Variants in PDS5A observed in about 807,000 individuals in gnomAD.
The protein encoded by PDS5A is sister chromatid cohesion protein PDS5 homolog A.
In PDS5A, 42 loss-of-function variants were observed where a neutral mutation model predicts 167.1. The ratio of observed to expected loss-of-function variants is 0.25; its 90% CI spans 0.20 to 0.33. PDS5A has a LOEUF of 0.33. PDS5A is among the 10% of genes least tolerant of loss of function. The pLI, the probability that PDS5A is intolerant of heterozygous loss-of-function variation, is 1.00. For missense variants in PDS5A, 1,033 were observed against 1,605.9 expected, an observed-to-expected ratio of 0.64 and a Z score of 6.10; for synonymous variants, 553 against 554.6, an observed-to-expected ratio of 1.00 and a Z score of 0.04.
intron 32 of PDS5A, among the ~76,000 whole-genome samples, chr4:39,836,443 TG>T (rs1460054197): frequency 1.3e-5 from 2 of 152,090 alleles, no homozygotes; most frequent in African/African-American, 4.8e-5. Context: ...CTAATTTTTT[TG>T]TTTTTTTTGA....
At position 39,873,112 on chromosome 4, in the gene PDS5A, T is replaced by C. The variant is rs1263358546; in HGVS notation, c.2310A>G (p.Pro770=). The C allele has an allele frequency of 2.0e-6, 3 of 1,523,140 alleles. No individual in the cohort carries two copies. Among genetic ancestry groups the C allele is most frequent in the Admixed American group, 1.7e-5 (1 of 57,620 alleles). 94.4% of individuals were successfully genotyped at this position (1,523,140 alleles called of 1,614,324 possible). ...AAACTAATGGAGTTATAAGTTGTTC[T>C]GGCACATCAGCATTCAGACTCCTAC... ...PLSRSLNADV[P]EQLITPLVSL... Residue 770 remains proline, a synonymous_variant, in exon 21 of 33, where the codon CCA becomes CCG. Coordinates refer to ENST00000303538, the MANE Select transcript of PDS5A (RefSeq NM_001100399.2).
chr4:39,947,707 T>A (rs1017035605), intron 2 of PDS5A, among the ~76,000 whole-genome samples: 2 of 152,220 alleles, frequency 1.3e-5, no homozygotes, highest in Admixed American at 1.3e-4. Context: ...CTGGGTCACA[T>A]GTGACCCACG....
intron 17 of PDS5A, among the ~76,000 whole-genome samples, chr4:39,886,153 T>A (rs779998969): frequency 1.3e-5 from 2 of 152,190 alleles, no homozygotes; most frequent in Non-Finnish European, 2.9e-5. Context: ...TGTATCTGGG[T>A]TCTCAATTCT....
chr4:39,968,805 T>C (rs1730233533), intron 2 of PDS5A, among the ~76,000 whole-genome samples: 1 of 149,464 alleles, frequency 6.7e-6, no homozygotes, highest in African/African-American at 2.5e-5. Flanking sequence ...TGACAGAGTC[T>C]TGCCCTGTCC....
rs369492257 is a variant in PDS5A, at chr4:39,877,006, G to A, written c.2140C>T (p.Pro714Ser). ...AAATGTACTCACGATCGTATCTGGG[G>A]AAGGTCTGTTTCTATTTTGTGACCT... ...NTGHKIETDL[P>S]QIRSTLIPIL... The change falls in exon 19 of 33, where the codon CCC becomes TCC. Residue 714 changes from proline to serine, a missense_variant. Pro to Ser is a moderately conservative substitution (Grantham distance 74, BLOSUM62 -1). This residue lies in a region of PDS5A where 367 missense variants were observed against 686.7 expected (regional missense o/e 0.53). Coordinates refer to ENST00000303538, the MANE Select transcript of PDS5A (RefSeq NM_001100399.2). The A allele has an allele frequency of 6.2e-7, 1 of 1,610,210 alleles. No individual in the cohort carries two copies. The highest frequency in any genetic ancestry group is 8.5e-7 in the Non-Finnish European group (1 of 1,178,000).
In PDS5A at chr4:39,902,397, T is replaced by C; in HGVS notation, c.1449A>G (p.Arg483=). ...CATATAAGTAATATAAGCATTTCATTCTCTCTTCTGTTTCCAGGTTGTGGG... is the reference window on the plus strand; with the variant it reads ...CATATAAGTAATATAAGCATTTCATCCTCTCTTCTGTTTCCAGGTTGTGGG... ...LVPHNLETEE[R]MKCLYYLYAS... Residue 483 remains arginine (R), a synonymous_variant, in exon 13 of 33, where the codon AGA becomes AGG. Coordinates refer to ENST00000303538, the MANE Select transcript of PDS5A (RefSeq NM_001100399.2). 1.3e-6 allele frequency: 2 copies of C among 1,596,062 alleles called. No homozygotes were observed. The highest frequency in any genetic ancestry group is 1.7e-6 in the Non-Finnish European group (2 of 1,166,856).
Position 39,863,467 on chromosome 4 carries a change from C to A in PDS5A, c.2643-8G>T. On this transcript the variant is annotated splice_region_variant and splice_polypyrimidine_tract_variant and intron_variant, in intron 23 of 32. Coordinates refer to ENST00000303538, the MANE Select transcript of PDS5A (RefSeq NM_001100399.2). Reference sequence around the variant, plus strand: ...CGAGACATATCAGATTTACTATAAACAAACAAAAAAGAAATAAACATTTCC... The same window carrying A: ...CGAGACATATCAGATTTACTATAAAAAAACAAAAAAGAAATAAACATTTCC... 8 of 1,575,160 alleles carry A rather than the reference C, an allele frequency of 5.1e-6. No individual in the cohort carries two copies. In the Admixed American group the frequency reaches 8.0e-5, roughly 16 times the overall value.
intron 17 of PDS5A, among the ~76,000 whole-genome samples, chr4:39,880,132 G>A (rs1482136353): frequency 6.6e-6 from 1 of 151,618 alleles, no homozygotes; most frequent in East Asian, 1.9e-4. Context: ...TATATACAGA[G>A]ATCATTTTCA....
At chr4:39,938,673 A>T (rs1726900138) in intron 2 of PDS5A, among the ~76,000 whole-genome samples, 1 of 151,892 alleles carries the variant, frequency 6.6e-6, no homozygotes, top group East Asian at 1.9e-4. Context: ...CTGTATAATG[A>T]AATACTATAT....
intron 11 of PDS5A, among the ~76,000 whole-genome samples, chr4:39,906,162 G>A (rs1406088952): frequency 6.6e-6 from 1 of 152,170 alleles, no homozygotes; most frequent in Non-Finnish European, 1.5e-5. Context: ...GAGCCCAGAA[G>A]TTCGAGACCA....
At position 39,840,160 on chromosome 4, in the gene PDS5A, C is replaced by T. The variant is rs1040264361; in HGVS notation, c.3657+1788G>A. Among the ~76,000 whole-genome samples the T allele has an allele frequency of 8.8e-4, 134 of 151,964 alleles. 3 individuals are homozygous for T. Among genetic ancestry groups the T allele is most frequent in the Non-Finnish European group, 3.5e-4 (24 of 67,972 alleles). On this transcript the variant is annotated intron_variant, in intron 31 of 32. Coordinates refer to ENST00000303538, the MANE Select transcript of PDS5A (RefSeq NM_001100399.2). ...CTGAAAGAAGACCAGAGAAGTCAAG[C>T]GACCTGCTCAAGTCAACACTTAGCC... is the stretch of plus-strand genomic sequence containing the variant.
intron 7 of PDS5A, among the ~76,000 whole-genome samples, chr4:39,917,948 G>A (rs1346745133): frequency 3.3e-5 from 5 of 150,718 alleles, no homozygotes; most frequent in Admixed American, 2.0e-4. Flanking sequence ...GGGAAGCCGA[G>A]GCACGACAAT....
At chr4:39,856,399 A>G (rs542488970) in intron 26 of PDS5A, among the ~76,000 whole-genome samples, 1 of 152,368 alleles carries the variant, frequency 6.6e-6, no homozygotes, top group South Asian at 2.1e-4. Flanking sequence ...AAAGAACACT[A>G]CATAGTAATT....
At chr4:39,975,043 G>C (rs1730950103) in intron 2 of PDS5A, among the ~76,000 whole-genome samples, 1 of 150,772 alleles carries the variant, frequency 6.6e-6, no homozygotes, top group Admixed American at 6.6e-5. Context: ...GGGAGGTGGA[G>C]GTTGCAGTGG....
chr4:39,915,902 T>A (rs2109698743), intron 8 of PDS5A, among the ~76,000 whole-genome samples: 1 of 152,284 alleles, frequency 6.6e-6, no homozygotes, highest in Middle Eastern at 3.4e-3. Context: ...GAAGTAAAAC[T>A]AACTGAAAAC....
chr4:39,928,219 T>C, intron 2 of PDS5A, 55 bp from the exon 3 acceptor site: 1 of 1,193,260 alleles, frequency 8.4e-7, no homozygotes, highest in Non-Finnish European at 1.2e-6. Context: ...TAGAAATCAG[T>C]GGAGGATGTG....
intron 24 of PDS5A, 22 bp downstream of exon 24, chr4:39,863,314 C>A: frequency 6.4e-7 from 1 of 1,550,930 alleles, no homozygotes; most frequent in East Asian, 2.3e-5. Flanking sequence ...AAGTAATTGA[C>A]AAAAATAAGA....
At chr4:39,886,735 T>A (rs71606201) in intron 17 of PDS5A, among the ~76,000 whole-genome samples, 18 of 152,196 alleles carry the variant, frequency 1.2e-4, no homozygotes, top group South Asian at 1.0e-3. Flanking sequence ...AATTTTTTTT[T>A]AATTTTTCCA....
At position 39,926,877 on chromosome 4, in the gene PDS5A, A is replaced by C; in HGVS notation, c.343-16T>G. The stretch of plus-strand genomic sequence containing the variant: ...AAAATATGTCCTGTTAAAAAAAAAA[A>C]CACATTAATTTAGACACAAATACTT... On this transcript the variant is annotated splice_polypyrimidine_tract_variant and intron_variant, in intron 3 of 32. Coordinates refer to ENST00000303538, the MANE Select transcript of PDS5A (RefSeq NM_001100399.2). 7.2e-7 allele frequency: 1 copy of C among 1,396,072 alleles called. No individual in the cohort carries two copies. The highest frequency in any genetic ancestry group is 9.4e-7 in the Non-Finnish European group (1 of 1,060,246). The allele number at this position is 1,396,072 out of a possible 1,614,324, so 86.5% of individuals were successfully genotyped here.
Sources: allele counts gnomAD v4.1 joint callset (sites outside exome capture counted in the v4.1 genomes callset), GRCh38; gene constraint gnomAD v4.1.1; regional missense constraint gnomAD v4.1.1; transcripts MANE v1.5; gene names NCBI Gene and HGNC (gene_info 2026-07-23, HGNC 2026-07-21).